FOXP2: variants seen among roughly 807,000 people sequenced by gnomAD.
FOXP2 encodes the protein forkhead box protein P2.
In FOXP2, 12 loss-of-function variants were observed where a neutral mutation model predicts 115.8. That is an observed-to-expected ratio of 0.10 (90% confidence interval 0.07 to 0.17). FOXP2 has a LOEUF of 0.17. FOXP2 is among the 10% of genes least tolerant of loss of function. The probability of loss-of-function intolerance (pLI) is 1.00; values close to 1 mark genes in which losing one functional copy is unlikely to be tolerated. For synonymous variants in FOXP2, 328 were observed against 297.7 expected, an observed-to-expected ratio of 1.10 and a Z score of -1.05; for missense variants, 629 against 843.5, an observed-to-expected ratio of 0.75 and a Z score of 3.15.
intron 1 of FOXP2, among the ~76,000 whole-genome samples, chr7:114,177,220 T>C (rs969780182): frequency 1.2e-4 from 19 of 152,178 alleles, no homozygotes; most frequent in African/African-American, 4.6e-4. Context: ...ATTTTTGTAT[T>C]ATCAGGTATC....
At chr7:114,520,807 G>A (rs549922688) in intron 2 of FOXP2, among the ~76,000 whole-genome samples, 1 of 152,070 alleles carries the variant, frequency 6.6e-6, no homozygotes, top group Non-Finnish European at 1.5e-5. Context: ...GGTGGAATGG[G>A]CATTCCATGC....
chr7:114,540,287 T>A (rs1276594961), intron 3 of FOXP2, among the ~76,000 whole-genome samples: 1 of 152,072 alleles, frequency 6.6e-6, no homozygotes, highest in Admixed American at 6.6e-5. Context: ...TTAATGTTTA[T>A]CTTCTCTATT....
intron 2 of FOXP2, among the ~76,000 whole-genome samples, chr7:114,520,070 G>T (rs1798540544): frequency 1.3e-5 from 2 of 152,072 alleles, no homozygotes; most frequent in South Asian, 4.1e-4. Context: ...CTTTTTAGAA[G>T]AAACTTTAGC....
intron 4 of FOXP2, 87 bp from the exon 5 acceptor site, chr7:114,629,718 G>A: frequency 6.2e-7 from 1 of 1,602,656 alleles, no homozygotes; most frequent in Admixed American, 1.7e-5. Flanking sequence ...TGGATACTCT[G>A]CCATATGCCA....
At chr7:114,442,248 A>G (rs1163438762) in intron 2 of FOXP2, among the ~76,000 whole-genome samples, 6 of 152,154 alleles carry the variant, frequency 3.9e-5, no homozygotes, top group Admixed American at 2.6e-4. Flanking sequence ...TTCTATTTGT[A>G]TGAAGCTTTC....
chr7:114,582,641 A>G (rs914549067), intron 3 of FOXP2, among the ~76,000 whole-genome samples: 1 of 152,244 alleles, frequency 6.6e-6, no homozygotes, highest in Non-Finnish European at 1.5e-5. Flanking sequence ...TCTAAAGAAC[A>G]TAAATTATTT....
chr7:114,462,003 G>A (rs1309098215), intron 2 of FOXP2, among the ~76,000 whole-genome samples: 1 of 151,972 alleles, frequency 6.6e-6, no homozygotes, highest in African/African-American at 2.4e-5. Context: ...AAACACCGCC[G>A]GGCGCAGTGG....
In FOXP2 at chr7:114,437,880, T is replaced by G. The variant is rs149847423; in HGVS notation, c.168+11201T>G. The stretch of plus-strand genomic sequence containing the variant: ...TCAGTTCAGTTCAGTTCATGGTTAT[T>G]AAACACATGAACGTGACTATTCTGA... On this transcript the variant is annotated intron_variant, in intron 2 of 16. Coordinates refer to ENST00000350908, the MANE Select transcript of FOXP2 (RefSeq NM_014491.4). Among the ~76,000 whole-genome samples, 470 of 152,232 alleles carry G rather than the reference T, an allele frequency of 3.1e-3. 13 individuals are homozygous for G. The highest frequency in any genetic ancestry group is 0.017 in the Admixed American group (267 of 15,264).
chr7:114,670,581 C>G (rs1442321278), intron 16 of FOXP2, among the ~76,000 whole-genome samples: 1 of 152,022 alleles, frequency 6.6e-6, no homozygotes, highest in African/African-American at 2.4e-5. Flanking sequence ...TAGACCCCCA[C>G]TGGATTAAAC....
chr7:114,569,647 T>TC (rs201065769), intron 3 of FOXP2, among the ~76,000 whole-genome samples: 2 of 151,740 alleles, frequency 1.3e-5, no homozygotes, highest in African/African-American at 4.8e-5. Flanking sequence ...TTGAACAATT[T>TC]CCCCCCAGTC....
intron 2 of FOXP2, among the ~76,000 whole-genome samples, chr7:114,364,421 T>C (rs1791827835): frequency 6.6e-6 from 1 of 152,110 alleles, no homozygotes; most frequent in Non-Finnish European, 1.5e-5. Flanking sequence ...ACTATGTAGA[T>C]GGATTGGTGC....
intron 2 of FOXP2, among the ~76,000 whole-genome samples, chr7:114,334,886 C>T (rs536376286): frequency 7.1e-6 from 1 of 140,674 alleles, no homozygotes; most frequent in Admixed American, 7.2e-5. Context: ...TAAAGGATAT[C>T]TCTGTGTGTG....
chr7:114,667,402 C>T (rs1024948933), intron 16 of FOXP2: 1 of 152,080 alleles, frequency 6.6e-6, no homozygotes, highest in Admixed American at 6.6e-5. Flanking sequence ...GAACTCCAGC[C>T]TGCACCACAG....
At chr7:114,090,259 T>G (rs1799515739) in intron 1 of FOXP2, among the ~76,000 whole-genome samples, 1 of 151,960 alleles carries the variant, frequency 6.6e-6, no homozygotes, top group Non-Finnish European at 1.5e-5. Context: ...GACAAAATTG[T>G]AAGTCAGTTG....
chr7:114,657,256 C>T (rs1353423037), intron 10 of FOXP2, among the ~76,000 whole-genome samples: 3 of 152,134 alleles, frequency 2.0e-5, no homozygotes, highest in Non-Finnish European at 4.4e-5. Flanking sequence ...CACTGTTAAA[C>T]AGCTTGCATA....
chr7:114,195,568 G>T (rs1462562404), intron 1 of FOXP2, among the ~76,000 whole-genome samples: 2 of 151,924 alleles, frequency 1.3e-5, no homozygotes, highest in African/African-American at 4.8e-5. Flanking sequence ...TAATTTTATT[G>T]AACAGTTACT....
chr7:114,408,342 C>A (rs1793082159), intron 2 of FOXP2, among the ~76,000 whole-genome samples: 1 of 151,970 alleles, frequency 6.6e-6, no homozygotes, highest in Non-Finnish European at 1.5e-5. Flanking sequence ...TTTCTAAACC[C>A]TTGAAGTATA....
At chr7:114,519,782 A>G (rs1181427820) in intron 2 of FOXP2, among the ~76,000 whole-genome samples, 5 of 152,120 alleles carry the variant, frequency 3.3e-5, no homozygotes, top group South Asian at 4.1e-4. Flanking sequence ...GAAAAGGGTC[A>G]TTTCAAGCAG....
chr7:114,671,028 A>C (rs544181067), intron 16 of FOXP2, among the ~76,000 whole-genome samples: 1 of 152,034 alleles, frequency 6.6e-6, no homozygotes, highest in Non-Finnish European at 1.5e-5. Context: ...TTTTCAGTCA[A>C]CTTTATTTTT....
Sources: gnomAD v4.1 joint callset for allele counts (sites outside exome capture counted in the v4.1 genomes callset) on GRCh38, gnomAD v4.1.1 for gene constraint, MANE v1.5 for transcripts, NCBI Gene and HGNC (gene_info 2026-07-23, HGNC 2026-07-21) for gene names.